MMP20: variants seen among roughly 807,000 people sequenced by gnomAD.
MMP20 encodes the protein matrix metallopeptidase 20, also known as matrix metalloproteinase-20.
MMP20 carries 50 observed loss-of-function variants against 51.8 expected under a neutral mutation model. The ratio of observed to expected loss-of-function variants is 0.97; its 90% CI spans 0.77 to 1.22. The LOEUF is 1.22. MMP20 is among the 50% of genes most tolerant of loss of function. The pLI is 0.00. For synonymous variants in MMP20, 244 were observed against 216.2 expected (o/e 1.13, Z -1.13); for missense variants, 663 against 601.4 (o/e 1.10, Z -1.07).
chr11:102,624,613 T>C (rs935468131), intron 1 of MMP20, among the ~76,000 whole-genome samples: 1 of 152,180 alleles, frequency 6.6e-6, no homozygotes, highest in Non-Finnish European at 1.5e-5. Flanking sequence ...AACTTTGTTA[T>C]GTACTTTGTA....
intron 7 of MMP20, among the ~76,000 whole-genome samples, 187 bp from the exon 8 acceptor site, chr11:102,593,782 C>G (rs1015816252): frequency 9.2e-5 from 14 of 152,262 alleles, no homozygotes; most frequent in African/African-American, 3.1e-4. Context: ...TCCCTGGAGG[C>G]AAAAGTCCCT....
At chr11:102,605,368 G>A (rs1321817624) in intron 6 of MMP20, 1 of 152,124 alleles carries the variant, frequency 6.6e-6, no homozygotes, top group Admixed American at 6.5e-5. Flanking sequence ...ATACACTCCA[G>A]GTGGTGGGAT....
Position 102,611,763 on chromosome 11 carries a change from T to C in MMP20, c.515A>G (p.Glu172Gly). 1 of 1,614,054 alleles carries C rather than the reference T, an allele frequency of 6.2e-7. No individual in the cohort carries two copies. The highest frequency in any genetic ancestry group is 8.5e-7 in the Non-Finnish European group (1 of 1,180,034). The change falls in exon 3 of 10, where the codon GAA (glutamate) becomes GGA (glycine). Residue 172 changes from glutamate (E) to glycine (G), a missense_variant. Transcript: ENST00000260228. ...TCCAAGTACCACAATACCTCCATTT[T>C]CAAAAGATATCATAATATCCGCTTC... is the stretch of plus-strand genomic sequence containing the variant. ...SGEADIMISF[E>G]NGDHGDSYPF...
intron 7 of MMP20, 59 bp downstream of exon 7, chr11:102,594,562 C>G (rs1859356932): frequency 6.2e-7 from 1 of 1,604,484 alleles, no homozygotes. Context: ...GCTAGATATG[C>G]CAAATGAATG....
chr11:102,605,152 T>C (rs1014882090), intron 6 of MMP20: 1 of 152,138 alleles, frequency 6.6e-6, no homozygotes, highest in African/African-American at 2.4e-5. Flanking sequence ...GAAATCTCAG[T>C]CCTCTCTCTC....
Position 102,593,430 on chromosome 11 carries a change from A to G in MMP20, c.1247+9T>C, listed in dbSNP as rs778920093. The G allele has an allele frequency of 2.5e-6, 4 of 1,613,008 alleles. No individual in the cohort carries two copies. In the Admixed American group the frequency reaches 6.7e-5, roughly 27 times the overall value. The stretch of plus-strand genomic sequence containing the variant: ...TAAAGATAGATAGTAAAAAGGAAAA[A>G]AGCCATACCTGTAGTATTCATCTCC... On this transcript the variant is annotated intron_variant, in intron 8 of 9. Transcript: ENST00000260228.
Position 102,616,950 on chromosome 11 carries a change from A to G in MMP20, c.236T>C (p.Phe79Ser). The change falls in exon 2 of 10, where the codon TTT becomes TCT. Residue 79 changes from phenylalanine to serine, a missense_variant. Phe to Ser is a radical substitution (Grantham distance 155). Transcript: ENST00000260228. ...IRKIKELQAF[F>S]GLQVTGKLDQ... is the part of the protein sequence containing the mutation. ...TAACTTCCCGGTGACTTGGAGGCCA[A>G]AGAACGCTTGTAGCTCCTTAATCTT... 6.2e-7 allele frequency: 1 copy of G among 1,614,194 alleles called. No individual in the cohort carries two copies. The highest frequency in any genetic ancestry group is 8.5e-7 in the Non-Finnish European group (1 of 1,180,036).
chr11:102,615,714 T>C (rs571939470), intron 2 of MMP20, among the ~76,000 whole-genome samples: 4 of 152,280 alleles, frequency 2.6e-5, no homozygotes, highest in East Asian at 3.9e-4. Context: ...TAGGCACTTG[T>C]GGTGGGAATG....
rs10532934 is a variant in MMP20 at position 102,594,908 on chromosome 11, CTTTTT to C, written c.954-156_954-152del. The C allele has an allele frequency of 8.4e-3, 6,400 of 765,980 alleles. 3 individuals carry two copies. The highest frequency in any genetic ancestry group is 9.7e-3 in the Middle Eastern group (22 of 2,278). The allele number at this position is 765,980 out of a possible 1,614,324, so 47.4% of individuals were successfully genotyped here. On this transcript the variant is annotated intron_variant, in intron 6 of 9. Transcript: ENST00000260228. ...CCTTGCCTTGTTTTTTTTCTCTTTT[CTTTTT>C]TTTTTTTTTTGAGATGGAGTCTTGC...
intron 6 of MMP20, among the ~76,000 whole-genome samples, chr11:102,604,738 G>A (rs970038581): frequency 6.6e-6 from 1 of 152,142 alleles, no homozygotes; most frequent in Non-Finnish European, 1.5e-5. Context: ...ATTAAGTAAT[G>A]ATATATCTAT....
intron 1 of MMP20, among the ~76,000 whole-genome samples, chr11:102,618,819 A>G (rs1233399416): frequency 6.6e-6 from 1 of 152,198 alleles, no homozygotes; most frequent in African/African-American, 2.4e-5. Flanking sequence ...TACAATGAGC[A>G]TGAACCATTA....
At chr11:102,592,104 G>A (rs113839539) in intron 8 of MMP20, among the ~76,000 whole-genome samples, 2 of 152,198 alleles carry the variant, frequency 1.3e-5, no homozygotes, top group East Asian at 1.9e-4. Context: ...AATTCACCAG[G>A]GGAATTGGAT....
At chr11:102,619,878 G>C (rs915661605) in intron 1 of MMP20, among the ~76,000 whole-genome samples, 21 of 151,972 alleles carry the variant, frequency 1.4e-4, no homozygotes, top group African/African-American at 5.1e-4. Context: ...AAGGTTTCTG[G>C]CTGGTCATAT....
intron 6 of MMP20, among the ~76,000 whole-genome samples, chr11:102,601,334 G>T (rs201023678): frequency 2.3e-5 from 1 of 44,438 alleles, no homozygotes; most frequent in African/African-American, 6.4e-5. Context: ...GGGTTTCACC[G>T]TTTTAGCCGG....
chr11:102,582,143 A>C (rs1052821948), intron 8 of MMP20, among the ~76,000 whole-genome samples: 3 of 152,200 alleles, frequency 2.0e-5, no homozygotes, highest in African/African-American at 7.2e-5. Flanking sequence ...CCACATTTGT[A>C]TTCTAAGGAC....
intron 6 of MMP20, among the ~76,000 whole-genome samples, chr11:102,599,953 A>G (rs1859426286): frequency 6.6e-6 from 1 of 152,236 alleles, no homozygotes; most frequent in Admixed American, 6.5e-5. Context: ...AGAGCCCGTG[A>G]AAATCCATAT....
At chr11:102,622,483 T>G (rs550968288) in intron 1 of MMP20, among the ~76,000 whole-genome samples, 25 of 152,318 alleles carry the variant, frequency 1.6e-4, no homozygotes, top group Non-Finnish European at 2.8e-4. Context: ...CTCCAGGTCT[T>G]CACGTGACTG....
chr11:102,598,055 C>T (rs961105556), intron 6 of MMP20, among the ~76,000 whole-genome samples: 5 of 152,110 alleles, frequency 3.3e-5, no homozygotes. Flanking sequence ...GCGTAGACAC[C>T]ATGCCTGGCC....
At chr11:102,594,160 A>G (rs1450086280) in intron 7 of MMP20, among the ~76,000 whole-genome samples, 6 of 152,248 alleles carry the variant, frequency 3.9e-5, no homozygotes, top group Non-Finnish European at 5.9e-5. Context: ...GTAAAGGGCT[A>G]GAGCCAGAGA....
Sources: gnomAD v4.1 joint callset for allele counts (sites outside exome capture counted in the v4.1 genomes callset) on GRCh38, gnomAD v4.1.1 for gene constraint, MANE v1.5 for transcripts, NCBI Gene and HGNC (gene_info 2026-07-23, HGNC 2026-07-21) for gene names.